Variants in CADM2 observed in about 807,000 individuals in gnomAD.
CADM2 encodes the protein cell adhesion molecule 2, also known as immunoglobulin superfamily member 4D.
In CADM2, 12 loss-of-function variants were observed where a neutral mutation model predicts 49.8. The observed-to-expected ratio is 0.24, with a 90% CI of 0.15 to 0.39. The LOEUF (loss-of-function observed/expected upper bound fraction) is 0.39, where lower values mean the gene tolerates loss of function less well. Ranked by LOEUF, CADM2 falls within the 10% of genes least tolerant of loss-of-function variation. CADM2 has a pLI of 1.00. For synonymous variants in CADM2, 214 were observed against 175.4 expected (o/e 1.22, Z -1.74); for missense variants, 378 against 492.3 (o/e 0.77, Z 2.20).
At chr3:85,364,102 ATT>A (rs1476721081) in intron 1 of CADM2, among the ~76,000 whole-genome samples, 1 of 152,176 alleles carries the variant, frequency 6.6e-6, no homozygotes, top group African/African-American at 2.4e-5. Context: ...AGAGAGACTT[ATT>A]TATGTTAAGG....
In CADM2 at chr3:85,902,769, C is replaced by A. The variant is rs80249815; in HGVS notation, c.530-9604C>A. On this transcript the variant is annotated intron_variant, in intron 5 of 9. Transcript: ENST00000383699. ...AGGCATATCATATATATTAACTTATCAGAATCTAAATCAGATTCATAATAG... is the reference window on the plus strand; with the variant it reads ...AGGCATATCATATATATTAACTTATAAGAATCTAAATCAGATTCATAATAG... Among the ~76,000 whole-genome samples, 1,262 of 151,548 alleles carry A rather than the reference C, an allele frequency of 8.3e-3. 43 individuals carry two copies. The South Asian group carries it at 0.093, about 11-fold the overall frequency.
chr3:85,328,453 T>A (rs1340782493), intron 1 of CADM2, among the ~76,000 whole-genome samples: 1 of 152,216 alleles, frequency 6.6e-6, no homozygotes, highest in Non-Finnish European at 1.5e-5. Flanking sequence ...TTTGCTGGAT[T>A]TTCTGATGCT....
At chr3:85,200,562 A>T (rs2041469037) in intron 1 of CADM2, among the ~76,000 whole-genome samples, 2 of 152,082 alleles carry the variant, frequency 1.3e-5, no homozygotes, top group Admixed American at 1.3e-4. Context: ...AAAAAATGAG[A>T]TACAGTAGTG....
intron 6 of CADM2, among the ~76,000 whole-genome samples, chr3:85,922,740 AAT>A (rs1028802856): frequency 2.0e-5 from 3 of 152,274 alleles, no homozygotes; most frequent in Middle Eastern, 3.4e-3. Context: ...AGAAGAATAC[AAT>A]ATCTTTATTC....
intron 2 of CADM2, among the ~76,000 whole-genome samples, chr3:85,769,637 A>T (rs1012089362): frequency 7.6e-6 from 1 of 132,308 alleles, no homozygotes; most frequent in Non-Finnish European, 1.5e-5. Context: ...ATATATACAC[A>T]TATATACATA....
At chr3:86,066,322 G>C (rs1432733620) in intron 9 of CADM2, among the ~76,000 whole-genome samples, 1 of 52,292 alleles carries the variant, frequency 1.9e-5, no homozygotes, top group African/African-American at 2.7e-4. Flanking sequence ...GAGAGAGCGA[G>C]ACTCCGTCTC....
rs573270309 is a variant in CADM2 at position 85,858,099 on chromosome 3, A to C, written c.239-25192A>C. On this transcript the variant is annotated intron_variant, in intron 3 of 9. Transcript: ENST00000383699. ...GTGAAGTAAACATGTTTTGGCTGTA[A>C]AATTGTAGTATGAAGCCTCACACAA... Among the ~76,000 whole-genome samples, 5 of 152,280 alleles carry C rather than the reference A, an allele frequency of 3.3e-5. No individual in the cohort carries two copies. In the East Asian group the frequency reaches 5.8e-4, roughly 18 times the overall value.
intron 3 of CADM2, among the ~76,000 whole-genome samples, chr3:85,848,141 G>A (rs2074957390): frequency 2.6e-5 from 4 of 151,864 alleles, no homozygotes; most frequent in African/African-American, 9.7e-5. Context: ...GAACTATCTG[G>A]ATTGGCTGGG....
intron 1 of CADM2, among the ~76,000 whole-genome samples, chr3:85,506,477 T>A (rs1014716172): frequency 6.6e-6 from 1 of 152,240 alleles, no homozygotes; most frequent in African/African-American, 2.4e-5. Flanking sequence ...TTCAGCAGCA[T>A]GTGTTGAAAT....
chr3:86,040,837 T>A (rs1430361630), intron 8 of CADM2, among the ~76,000 whole-genome samples: 1 of 152,086 alleles, frequency 6.6e-6, no homozygotes, highest in African/African-American at 2.4e-5. Context: ...GAGAGAAAGG[T>A]CGGGTTACCC....
chr3:85,615,959 A>G (rs941616421), intron 1 of CADM2, among the ~76,000 whole-genome samples: 8 of 152,044 alleles, frequency 5.3e-5, no homozygotes, highest in African/African-American at 1.9e-4. Flanking sequence ...GAGGTTCAAG[A>G]AATTCACCAA....
intron 1 of CADM2, among the ~76,000 whole-genome samples, chr3:85,157,929 G>A (rs867884307): frequency 3.9e-5 from 6 of 152,048 alleles, no homozygotes; most frequent in Non-Finnish European, 8.8e-5. Flanking sequence ...GAAAATTTTT[G>A]CAACCTACTC....
intron 8 of CADM2, among the ~76,000 whole-genome samples, chr3:86,043,360 C>T (rs1447988213): frequency 1.3e-4 from 20 of 152,172 alleles, no homozygotes; most frequent in Admixed American, 1.2e-3. Flanking sequence ...TCTCCTTAAG[C>T]TGATAAGCAA....
At chr3:85,284,241 A>C (rs1176316416) in intron 1 of CADM2, among the ~76,000 whole-genome samples, 1 of 152,104 alleles carries the variant, frequency 6.6e-6, no homozygotes, top group East Asian at 1.9e-4. Context: ...GATTATAGCA[A>C]ATCATTCATT....
intron 3 of CADM2, among the ~76,000 whole-genome samples, chr3:85,851,120 A>C (rs73847404): frequency 0.016 from 2,406 of 152,244 alleles, 61 homozygotes; most frequent in African/African-American, 0.055. Flanking sequence ...ATCTTACAGG[A>C]CACACTAAAA....
At chr3:85,411,147 T>C (rs904319101) in intron 1 of CADM2, among the ~76,000 whole-genome samples, 1 of 152,236 alleles carries the variant, frequency 6.6e-6, no homozygotes, top group Non-Finnish European at 1.5e-5. Flanking sequence ...AGACATGCTG[T>C]TGTAAACTGA....
At chr3:84,981,311 A>G (rs747866264) in intron 1 of CADM2, among the ~76,000 whole-genome samples, 42 of 151,946 alleles carry the variant, frequency 2.8e-4, no homozygotes, top group Non-Finnish European at 5.9e-5. Context: ...AAATCCTGTT[A>G]ATAATTACAG....
At chr3:85,568,962 G>T (rs17460541) in intron 1 of CADM2, among the ~76,000 whole-genome samples, 77,946 of 151,864 alleles carry the variant, frequency 0.51, 23,011 homozygotes, top group East Asian at 0.85. Flanking sequence ...TTAATCAAAC[G>T]TCTCAATTTG....
chr3:85,231,406 T>C (rs1222298115), intron 1 of CADM2, among the ~76,000 whole-genome samples: 1 of 150,422 alleles, frequency 6.6e-6, no homozygotes. Context: ...ACATTTAAGA[T>C]TGGAGGTAAT....
Sources: allele counts gnomAD v4.1 joint callset (sites outside exome capture counted in the v4.1 genomes callset), GRCh38; gene constraint gnomAD v4.1.1; transcripts MANE v1.5; gene names NCBI Gene and HGNC (gene_info 2026-07-23, HGNC 2026-07-21).